The following DNER variants were observed in gnomAD, a reference collection of about 807,000 sequenced individuals.
The protein encoded by DNER is delta and Notch-like epidermal growth factor-related receptor.
DNER carries 33 observed loss-of-function variants against 78.2 expected under a neutral mutation model. The observed-to-expected ratio is 0.42, with a 90% confidence interval of 0.32 to 0.56. DNER has a LOEUF of 0.56. Ranked by LOEUF, DNER falls within the 20% of genes least tolerant of loss-of-function variation. The pLI is 0.11. For synonymous variants in DNER, 417 were observed against 384.8 expected (o/e 1.08, Z -0.98); for missense variants, 918 against 975.3 (o/e 0.94, Z 0.78).
intron 9 of DNER, among the ~76,000 whole-genome samples, chr2:229,410,889 T>C (rs1440507525): frequency 3.3e-5 from 5 of 152,238 alleles, no homozygotes; most frequent in African/African-American, 1.2e-4. Flanking sequence ...CACTTAATAT[T>C]TACTTTAAGA....
chr2:229,614,944 A>G (rs1163412481), intron 1 of DNER, among the ~76,000 whole-genome samples: 1 of 152,234 alleles, frequency 6.6e-6, no homozygotes, highest in Non-Finnish European at 1.5e-5. Flanking sequence ...ATTAGGAACT[A>G]ATCTACGAAG....
chr2:229,595,895 T>C (rs2154214779), intron 1 of DNER, among the ~76,000 whole-genome samples: 1 of 152,348 alleles, frequency 6.6e-6, no homozygotes, highest in South Asian at 2.1e-4. Flanking sequence ...TTTCTTTTTT[T>C]CAATTTTTGT....
At chr2:229,465,331 C>G (rs561436118) in intron 7 of DNER, among the ~76,000 whole-genome samples, 2 of 152,278 alleles carry the variant, frequency 1.3e-5, no homozygotes, top group East Asian at 1.9e-4. Context: ...AATGCAGGAA[C>G]AGAAGACCAA....
At chr2:229,700,429 A>G (rs1209692330) in intron 1 of DNER, among the ~76,000 whole-genome samples, 3 of 150,248 alleles carry the variant, frequency 2.0e-5, no homozygotes, top group African/African-American at 7.4e-5. Context: ...TCTGCCTCCC[A>G]GGTTCAAGCA....
chr2:229,658,175 G>A (rs1698944218), intron 1 of DNER, among the ~76,000 whole-genome samples: 1 of 152,156 alleles, frequency 6.6e-6, no homozygotes, highest in Non-Finnish European at 1.5e-5. Context: ...GCACAAGCAT[G>A]CACACTGAAG....
intron 4 of DNER, among the ~76,000 whole-genome samples, chr2:229,548,555 A>G (rs980552435): frequency 7.2e-5 from 11 of 152,082 alleles, no homozygotes; most frequent in African/African-American, 2.4e-4. Flanking sequence ...GGACACATGG[A>G]CACAGGGAGG....
intron 10 of DNER, among the ~76,000 whole-genome samples, chr2:229,393,446 T>TA (rs1033783462): frequency 1.3e-5 from 2 of 148,526 alleles, no homozygotes; most frequent in East Asian, 2.0e-4. Context: ...AAAATAAAAA[T>TA]AAAAAAATAG....
intron 10 of DNER, among the ~76,000 whole-genome samples, chr2:229,397,927 G>A (rs1006696148): frequency 1.3e-5 from 2 of 152,010 alleles, no homozygotes; most frequent in African/African-American, 2.4e-5. Flanking sequence ...GTGAGAAAAA[G>A]CCTATATCAA....
intron 11 of DNER, among the ~76,000 whole-genome samples, chr2:229,381,281 A>C (rs760294636): frequency 5.3e-5 from 8 of 152,162 alleles, no homozygotes; most frequent in Non-Finnish European, 1.0e-4. Context: ...CAATCCACAG[A>C]CCAGGAGATT....
chr2:229,581,840 T>C (rs934065388), intron 4 of DNER, among the ~76,000 whole-genome samples: 4 of 152,222 alleles, frequency 2.6e-5, no homozygotes, highest in African/African-American at 7.2e-5. Context: ...CTCTGTTGCA[T>C]AGAAACAGGA....
At chr2:229,505,988 G>T (rs1399569355) in intron 6 of DNER, among the ~76,000 whole-genome samples, 1 of 152,118 alleles carries the variant, frequency 6.6e-6, no homozygotes, top group Non-Finnish European at 1.5e-5. Context: ...TGTTTTAATA[G>T]AAGACATAAC....
intron 6 of DNER, among the ~76,000 whole-genome samples, chr2:229,502,597 C>G (rs1695644912): frequency 6.6e-6 from 1 of 151,928 alleles, no homozygotes; most frequent in South Asian, 2.1e-4. Context: ...CTTTGTTTAC[C>G]CTGCGGAAGA....
At chr2:229,504,183 A>G (rs1695686377) in intron 6 of DNER, among the ~76,000 whole-genome samples, 1 of 152,072 alleles carries the variant, frequency 6.6e-6, no homozygotes, top group African/African-American at 2.4e-5. Context: ...GTATCTCTTC[A>G]TCTATACCCT....
At chr2:229,401,539 C>A (rs1484626423) in intron 10 of DNER, among the ~76,000 whole-genome samples, 1 of 151,628 alleles carries the variant, frequency 6.6e-6, no homozygotes, top group Non-Finnish European at 1.5e-5. Context: ...GATGCATCTC[C>A]AAAGAATCAC....
At chr2:229,578,489 C>T (rs1298842416) in intron 4 of DNER, among the ~76,000 whole-genome samples, 1 of 152,186 alleles carries the variant, frequency 6.6e-6, no homozygotes, top group Non-Finnish European at 1.5e-5. Context: ...GCCTGAATAG[C>T]TAAAATAGAC....
intron 6 of DNER, among the ~76,000 whole-genome samples, chr2:229,480,310 A>G (rs35001624): frequency 0.12 from 18,995 of 152,158 alleles, 1,327 homozygotes; most frequent in South Asian, 0.2. Context: ...ATCAAATTTC[A>G]TTTCACCTGT....
At chr2:229,418,034 T>C (rs1693687040) in intron 9 of DNER, 74 bp downstream of exon 9, 1 of 1,604,344 alleles carries the variant, frequency 6.2e-7, no homozygotes, top group African/African-American at 1.3e-5. Context: ...ATTAGAGGTT[T>C]ATGCATTTAC....
chr2:229,706,821 C>A (rs1244925104), intron 1 of DNER, among the ~76,000 whole-genome samples: 1 of 152,124 alleles, frequency 6.6e-6, no homozygotes, highest in East Asian at 1.9e-4. Context: ...AGCGATCCTC[C>A]CACCTTGGCC....
intron 11 of DNER, among the ~76,000 whole-genome samples, chr2:229,371,674 C>A (rs1417924625): frequency 6.6e-6 from 1 of 152,122 alleles, no homozygotes; most frequent in African/African-American, 2.4e-5. Flanking sequence ...AAAATCAGAC[C>A]CACCTCCACT....
Sources: gnomAD v4.1 joint callset for allele counts (sites outside exome capture counted in the v4.1 genomes callset) on GRCh38, gnomAD v4.1.1 for gene constraint, MANE v1.5 for transcripts, NCBI Gene and HGNC (gene_info 2026-07-23, HGNC 2026-07-21) for gene names.